The following CAST variants were observed in gnomAD, a reference collection of about 807,000 sequenced individuals.
CAST encodes the protein MIR583 host.
In CAST, 76 loss-of-function variants were observed where a neutral mutation model predicts 119.6. That is an observed-to-expected ratio of 0.64 (90% CI 0.53 to 0.77). The LOEUF (loss-of-function observed/expected upper bound fraction) is 0.77, where lower values mean the gene tolerates loss of function less well. Ranked by LOEUF, CAST falls within the 30% of genes least tolerant of loss-of-function variation. The pLI is 0.00. For missense variants in CAST, 953 were observed against 946.5 expected (o/e 1.01, Z -0.09); for synonymous variants, 319 against 331.6 (o/e 0.96, Z 0.41).
intron 11 of CAST, among the ~76,000 whole-genome samples, chr5:96,738,323 A>G (rs376992684): frequency 9.3e-4 from 142 of 152,290 alleles, no homozygotes; most frequent in African/African-American, 3.4e-3. Context: ...CTCCATCTCA[A>G]AAAAAAGAGT....
chr5:96,427,510 T>A, the CAST span, among the ~76,000 whole-genome samples: 1 of 152,172 alleles, frequency 6.6e-6, no homozygotes. Context: ...ATAAAATTAT[T>A]CTTGGGCTAA....
the CAST span, among the ~76,000 whole-genome samples, chr5:96,434,885 C>T: frequency 6.6e-6 from 1 of 152,122 alleles, no homozygotes; most frequent in African/African-American, 2.4e-5. Context: ...AAATCAAATG[C>T]CAATGTTAAT....
chr5:96,530,415 G>C (rs1380019263), intron 1 of CAST, among the ~76,000 whole-genome samples: 1 of 152,118 alleles, frequency 6.6e-6, no homozygotes, highest in African/African-American at 2.4e-5. Context: ...GGGTGATACT[G>C]GAAACCAATA....
chr5:96,501,188 T>G, the CAST span, among the ~76,000 whole-genome samples: 45 of 152,300 alleles, frequency 3.0e-4, no homozygotes, highest in Admixed American at 1.2e-3. Context: ...AAGAGGTTAC[T>G]GAATGAAAAG....
chr5:96,260,416 T>C, the CAST span, among the ~76,000 whole-genome samples: 1 of 152,230 alleles, frequency 6.6e-6, no homozygotes, highest in Non-Finnish European at 1.5e-5. Flanking sequence ...GTCTGTTTTC[T>C]GTCCTTTAGC....
At chr5:96,425,057 A>G in the CAST span, among the ~76,000 whole-genome samples, 3 of 129,516 alleles carry the variant, frequency 2.3e-5, no homozygotes, top group African/African-American at 8.4e-5. Flanking sequence ...AGAAAGAAAG[A>G]AAGAAAGAAA....
chr5:96,534,758 A>AG (rs1491228374), intron 1 of CAST, among the ~76,000 whole-genome samples: 14 of 84,052 alleles, frequency 1.7e-4, no homozygotes, highest in South Asian at 3.7e-4. Context: ...AGAAAGAAAG[A>AG]AAGAAAGAAA....
At chr5:96,595,478 C>G (rs1393015740) in intron 1 of CAST, among the ~76,000 whole-genome samples, 2 of 152,320 alleles carry the variant, frequency 1.3e-5, no homozygotes, top group South Asian at 2.1e-4. Context: ...AAGGGGAAGA[C>G]AGGACCCCAG....
At chr5:95,985,714 AG>A in the CAST span, among the ~76,000 whole-genome samples, 29 of 152,330 alleles carry the variant, frequency 1.9e-4, no homozygotes, top group African/African-American at 7.0e-4. Flanking sequence ...GATTTGCAAT[AG>A]GATTGAAAGT....
At chr5:95,964,916 T>A in the CAST span, 3 of 152,242 alleles carry the variant, frequency 2.0e-5, no homozygotes, top group African/African-American at 7.2e-5. Flanking sequence ...CTGCTCCATC[T>A]CTCATGTCTA....
At chr5:96,426,401 A>C in the CAST span, among the ~76,000 whole-genome samples, 1 of 152,164 alleles carries the variant, frequency 6.6e-6, no homozygotes, top group African/African-American at 2.4e-5. Context: ...CAAATATTTT[A>C]TAAAGTAAGA....
chr5:96,771,843 C>A, intron 31 of CAST, 141 bp downstream of exon 31: 1 of 503,378 alleles, frequency 2.0e-6, no homozygotes, highest in Non-Finnish European at 3.6e-6. Flanking sequence ...ACTGCAAGAT[C>A]TACAGAGTAA....
chr5:96,575,610 T>C (rs1016804801), intron 1 of CAST, among the ~76,000 whole-genome samples: 6 of 152,086 alleles, frequency 3.9e-5, no homozygotes, highest in South Asian at 2.1e-4. Flanking sequence ...TGAATGAGCA[T>C]TGGATTTTTT....
chr5:96,438,843 T>G, the CAST span, among the ~76,000 whole-genome samples: 1 of 152,198 alleles, frequency 6.6e-6, no homozygotes. Context: ...ACTCTCCAAA[T>G]TTATATTTTT....
upstream of CAST, among the ~76,000 whole-genome samples, chr5:96,520,819 C>T (rs998213448): frequency 2.0e-5 from 3 of 152,170 alleles, no homozygotes; most frequent in Non-Finnish European, 2.9e-5. Flanking sequence ...AATCCACCTA[C>T]TATGTACAGG....
intron 16 of CAST, chr5:96,743,631 G>A (rs1305854945): frequency 8.1e-6 from 13 of 1,612,774 alleles, no homozygotes; most frequent in Non-Finnish European, 1.1e-5. Flanking sequence ...CCTAAGATGG[G>A]CCAGTTTCTA....
intron 1 of CAST, among the ~76,000 whole-genome samples, chr5:96,652,760 C>A (rs1748109537): frequency 6.6e-6 from 1 of 152,196 alleles, no homozygotes; most frequent in South Asian, 2.1e-4. Flanking sequence ...GATGTGATAT[C>A]TGATGTATCC....
the CAST span, among the ~76,000 whole-genome samples, chr5:96,126,848 A>G: frequency 6.6e-6 from 1 of 152,174 alleles, no homozygotes. Flanking sequence ...TTAAGATCAC[A>G]AAATTATGAC....
the CAST span, among the ~76,000 whole-genome samples, chr5:96,162,048 T>A: frequency 6.6e-6 from 1 of 152,234 alleles, no homozygotes; most frequent in Non-Finnish European, 1.5e-5. Flanking sequence ...CAAGATCATC[T>A]TATCTGTAAA....
Sources: gnomAD v4.1 joint callset for allele counts (sites outside exome capture counted in the v4.1 genomes callset) on GRCh38, gnomAD v4.1.1 for gene constraint, MANE v1.5 for transcripts, NCBI Gene and HGNC (gene_info 2026-07-23, HGNC 2026-07-21) for gene names.